The following FAM174C variants were observed in gnomAD, a reference collection of about 807,000 sequenced individuals.
FAM174C encodes protein FAM174C.
A neutral mutation model predicts 12.3 loss-of-function variants in FAM174C; 19 were observed. The ratio of observed to expected loss-of-function variants is 1.55; its 90% CI spans 1.08 to 2.27. The LOEUF is 2.27. Ranked by LOEUF, FAM174C falls within the 30% of genes most tolerant of loss-of-function variation. FAM174C has a pLI of 0.00. For synonymous variants in FAM174C, 147 were observed against 103.5 expected, an observed-to-expected ratio of 1.42 and a Z score of -2.55; for missense variants, 239 against 190.2, an observed-to-expected ratio of 1.26 and a Z score of -1.51.
intron 1 of FAM174C, chr19:1,276,076 C>G (rs1025386049): frequency 4.5e-5 from 23 of 516,366 alleles, no homozygotes; most frequent in Admixed American, 2.0e-4. Context: ...CGCCTCTTAA[C>G]TCGGGGGTGA....
chr19:1,279,132 C>G lies in FAM174C; in HGVS notation c.*355C>G. Reference sequence around the variant, plus strand: ...TCCTGCCCCCGTGGGGACATGGCAGCCCAGAGCCAAGGCTGGGTGGGCAGG... The same window carrying G: ...TCCTGCCCCCGTGGGGACATGGCAGGCCAGAGCCAAGGCTGGGTGGGCAGG... On this transcript the variant is annotated 3_prime_UTR_variant, in exon 3 of 3. Transcript: ENST00000409293. The G allele has an allele frequency of 6.2e-7, 1 of 1,612,996 alleles. No individual in the cohort carries two copies. The highest frequency in any genetic ancestry group is 1.1e-5 in the South Asian group (1 of 91,090).
intron 2 of FAM174C, among the ~76,000 whole-genome samples, chr19:1,277,526 A>G (rs978716454): frequency 7.9e-5 from 12 of 151,992 alleles, no homozygotes; most frequent in African/African-American, 2.9e-4. Context: ...TTTGAGGTGG[A>G]GTGGCGCGAT....
chr19:1,275,944 C>CTCCCTCCCTCTT, intron 1 of FAM174C, 114 bp downstream of exon 1: 1 of 1,013,650 alleles, frequency 9.9e-7, no homozygotes, highest in Non-Finnish European at 1.4e-6. Flanking sequence ...CCCTCCCTCT[C>CTCCCTCCCTCTT]TCCCTGTTGG....
At chr19:1,276,964 G>C (rs1318812612) in intron 1 of FAM174C, 1 of 573,884 alleles carries the variant, frequency 1.7e-6, no homozygotes, top group African/African-American at 1.9e-5. Flanking sequence ...GGGGAGATGG[G>C]AGGGCCTGGT....
intron 2 of FAM174C, 26 bp from the exon 3 acceptor site, chr19:1,278,751 T>A: frequency 6.2e-7 from 1 of 1,611,492 alleles, no homozygotes; most frequent in Non-Finnish European, 8.5e-7. Context: ...ACTCCTTCCC[T>A]CTCACCCTTG....
rs921409765 is a variant in FAM174C at position 1,275,575 on chromosome 19, C to CGCTGCT, written c.33_38dup (p.Leu14_Leu15dup). 1.5e-5 allele frequency: 18 copies of CGCTGCT among 1,226,042 alleles called. No homozygotes were observed. In the South Asian group the frequency reaches 3.4e-4, roughly 23 times the overall value. 75.9% of individuals were successfully genotyped at this position (1,226,042 alleles called of 1,614,324 possible). ...ATGGGGCCGCGCGTGCTGCAGCCGC[C>CGCTGCT]GCTGCTGCTGCTCCTGCTGGCGCTG... is the stretch of plus-strand genomic sequence containing the variant. On this transcript the variant is annotated inframe_insertion, in exon 1 of 3. Coordinates refer to ENST00000409293, the MANE Select transcript of FAM174C (RefSeq NM_017914.4).
At chr19:1,277,531 C>T (rs537136046) in intron 2 of FAM174C, among the ~76,000 whole-genome samples, 6 of 152,164 alleles carry the variant, frequency 3.9e-5, no homozygotes, top group African/African-American at 7.2e-5. Flanking sequence ...GGTGGAGTGG[C>T]GCGATCCCAA....
In FAM174C at chr19:1,275,892, G is replaced by C. The variant is rs1049377102; in HGVS notation, c.281+62G>C. 3.2e-5 allele frequency: 47 copies of C among 1,468,056 alleles called. No homozygotes were observed. In the Admixed American group the frequency reaches 7.1e-4, roughly 22 times the overall value. 90.9% of individuals were successfully genotyped at this position (1,468,056 alleles called of 1,614,324 possible). On this transcript the variant is annotated intron_variant, in intron 1 of 2. Transcript: ENST00000409293. ...TGGCCAATTAGCGCGCGCCTAGTGC[G>C]TCACGTGCCGGGCCGCGGGGTCCTC... is the stretch of plus-strand genomic sequence containing the variant.
chr19:1,278,736 C>T (rs2081426518), intron 2 of FAM174C, 41 bp from the exon 3 acceptor site: 3 of 1,609,908 alleles, frequency 1.9e-6, no homozygotes, highest in Non-Finnish European at 2.5e-6. Flanking sequence ...CAGGGCGGGC[C>T]CTTCACTCCT....
chr19:1,277,544 C>T (rs1249427598), intron 2 of FAM174C, among the ~76,000 whole-genome samples: 1 of 152,178 alleles, frequency 6.6e-6, no homozygotes, highest in Admixed American at 6.5e-5. Flanking sequence ...GATCCCAACT[C>T]ACTGCAACCT....
In FAM174C at chr19:1,275,950, G is replaced by A. The variant is rs866777026; in HGVS notation, c.281+120G>A. 50 of 920,224 alleles carry A rather than the reference G, an allele frequency of 5.4e-5. No individual in the cohort carries two copies. In the African/African-American group the frequency reaches 1.0e-3, roughly 19 times the overall value. 57.0% of individuals were successfully genotyped at this position (920,224 alleles called of 1,614,324 possible). A position where few individuals can be genotyped will look rare whatever the true frequency, so the allele number is the denominator to read the frequency against. On this transcript the variant is annotated intron_variant, in intron 1 of 2. Coordinates refer to ENST00000409293, the MANE Select transcript of FAM174C (RefSeq NM_017914.4). Reference sequence around the variant, plus strand: ...TCCCTCCCTCCCTCCCTCTCTCCCTGTTGGAGTGGGCGTGGGCGGTGCTGT... The same window carrying A: ...TCCCTCCCTCCCTCCCTCTCTCCCTATTGGAGTGGGCGTGGGCGGTGCTGT...
intron 2 of FAM174C, 104 bp from the exon 3 acceptor site, chr19:1,278,673 G>T: frequency 6.4e-7 from 1 of 1,553,210 alleles, no homozygotes; most frequent in Non-Finnish European, 8.7e-7. Flanking sequence ...GGTAGACCGA[G>T]GGGCCTGGAC....
Position 1,279,192 on chromosome 19 carries a change from C to G in FAM174C, c.*415C>G. ...GAACCTTTCTGGGAACACCTTCTCG[C>G]CGGGCTGGGAACAATAAATGCAGCC... On this transcript the variant is annotated 3_prime_UTR_variant, in exon 3 of 3. Transcript: ENST00000409293. 1 of 1,611,614 alleles carries G rather than the reference C, an allele frequency of 6.2e-7. No homozygotes were observed. The highest frequency in any genetic ancestry group is 8.5e-7 in the Non-Finnish European group (1 of 1,179,044).
intron 1 of FAM174C, 110 bp downstream of exon 1, chr19:1,275,940 C>G: frequency 9.7e-7 from 1 of 1,032,164 alleles, no homozygotes; most frequent in East Asian, 2.7e-5. Flanking sequence ...CCCTCCCTCC[C>G]TCTCTCCCTG....
In FAM174C at chr19:1,275,546, G is replaced by A; in HGVS notation, c.-4G>A. On this transcript the variant is annotated 5_prime_UTR_variant, in exon 1 of 3. Transcript: ENST00000409293. ...CGGGGCGCCGCCACCGCTTCCGCCGGGCCATGGGGCCGCGCGTGCTGCAGC... is the reference window on the plus strand; with the variant it reads ...CGGGGCGCCGCCACCGCTTCCGCCGAGCCATGGGGCCGCGCGTGCTGCAGC... The A allele has an allele frequency of 1.7e-6, 2 of 1,209,912 alleles. No homozygotes were observed. The highest frequency in any genetic ancestry group is 2.1e-6 in the Non-Finnish European group (2 of 974,640). The allele number at this position is 1,209,912 out of a possible 1,614,324, so 74.9% of individuals were successfully genotyped here. A position where few individuals can be genotyped will look rare whatever the true frequency, so the allele number is the denominator to read the frequency against.
chr19:1,276,902 C>T, intron 1 of FAM174C: 1 of 253,818 alleles, frequency 3.9e-6, no homozygotes, highest in Non-Finnish European at 7.5e-6. Context: ...TCAGTCTTTT[C>T]ATCAGTGCAA....
intron 1 of FAM174C, chr19:1,276,545 A>C (rs901129941): frequency 6.6e-6 from 1 of 152,282 alleles, no homozygotes; most frequent in Non-Finnish European, 1.5e-5. Flanking sequence ...GGCAAAGTCA[A>C]GCCGCTTTTT....
intron 2 of FAM174C, among the ~76,000 whole-genome samples, chr19:1,278,449 G>A (rs2081425205): frequency 6.6e-6 from 1 of 152,120 alleles, no homozygotes. Flanking sequence ...GAGGCTGGGA[G>A]ACCAGGAGAC....
At chr19:1,277,733 C>G (rs1274227293) in intron 2 of FAM174C, 1 of 157,432 alleles carries the variant, frequency 6.4e-6, no homozygotes, top group Non-Finnish European at 1.4e-5. Context: ...CTGGGCTTCC[C>G]AAAGAGCTGG....
Sources: allele counts gnomAD v4.1 joint callset (sites outside exome capture counted in the v4.1 genomes callset), GRCh38; gene constraint gnomAD v4.1.1; transcripts MANE v1.5; gene names NCBI Gene and HGNC (gene_info 2026-07-23, HGNC 2026-07-21).